Variants in EVC2 observed in about 807,000 individuals in gnomAD.
EVC2 encodes the protein EvC ciliary complex subunit 2, also known as limbin.
A neutral mutation model predicts 149.3 loss-of-function variants in EVC2; 148 were observed. The observed-to-expected ratio is 0.99, with a 90% CI of 0.87 to 1.14. The LOEUF (loss-of-function observed/expected upper bound fraction) is 1.14. EVC2 is among the 50% of genes most tolerant of loss of function. The pLI is 0.00. For synonymous variants in EVC2, 776 were observed against 649.9 expected, an observed-to-expected ratio of 1.19 and a Z score of -2.95; for missense variants, 1,854 against 1,627.3, an observed-to-expected ratio of 1.14 and a Z score of -2.40.
chr4:5,675,514 T>C (rs953939450), intron 7 of EVC2, among the ~76,000 whole-genome samples: 3 of 152,240 alleles, frequency 2.0e-5, no homozygotes, highest in African/African-American at 7.2e-5. Context: ...TGTAGCTTTG[T>C]AATATTTTTA....
chr4:5,545,062 G>A (rs950611654), intron 21 of EVC2, among the ~76,000 whole-genome samples: 9 of 152,234 alleles, frequency 5.9e-5, no homozygotes, highest in South Asian at 4.2e-4. Flanking sequence ...TCTATTCTTC[G>A]TGTAGTTTAC....
chr4:5,695,316 C>G (rs1452925738), intron 2 of EVC2, among the ~76,000 whole-genome samples: 1 of 150,928 alleles, frequency 6.6e-6, no homozygotes, highest in East Asian at 1.9e-4. Flanking sequence ...CCACTGCACT[C>G]CAGTCTGGGC....
intron 16 of EVC2, among the ~76,000 whole-genome samples, chr4:5,604,074 T>A (rs1465285800): frequency 2.0e-5 from 3 of 152,202 alleles, no homozygotes; most frequent in Non-Finnish European, 4.4e-5. Flanking sequence ...AGTATTCTCA[T>A]CTGTGAAATG....
Position 5,631,943 on chromosome 4 carries a change from T to G in EVC2, c.1560A>C (p.Glu520Asp), listed in dbSNP as rs2108851610. The G allele has an allele frequency of 3.7e-6, 6 of 1,614,074 alleles. No homozygotes were observed. The East Asian group carries it at 6.7e-5, about 18-fold the overall frequency. The change falls in exon 11 of 22, where the codon GAA becomes GAC. Residue 520 changes from glutamate to aspartate, a missense_variant. Coordinates refer to ENST00000344408, the MANE Select transcript of EVC2 (RefSeq NM_147127.5). ...LRKSLALQQE[E>D]DFAKAHRQLA... ...GCTGTCTGTGAGCTTTGGCAAAGTC[T>G]TCTTCTTGTTGCAAAGCGAGAGACT...
At chr4:5,656,609 G>A (rs1317140133) in intron 9 of EVC2, among the ~76,000 whole-genome samples, 2 of 152,156 alleles carry the variant, frequency 1.3e-5, no homozygotes, top group Non-Finnish European at 2.9e-5. Context: ...GGGAGGTCAC[G>A]TGCAGGCAGA....
intron 21 of EVC2, among the ~76,000 whole-genome samples, chr4:5,549,470 C>G (rs909657622): frequency 6.6e-6 from 1 of 152,350 alleles, no homozygotes; most frequent in African/African-American, 2.4e-5. Flanking sequence ...TTCTGCCACA[C>G]AGATTTTCTT....
intron 21 of EVC2, among the ~76,000 whole-genome samples, chr4:5,554,061 CG>C (rs1201612558): frequency 6.6e-6 from 1 of 152,086 alleles, no homozygotes; most frequent in Non-Finnish European, 1.5e-5. Context: ...GTGAGAGAAA[CG>C]GAAGACAGAA....
chr4:5,562,352 G>A (rs757529032), downstream of EVC2: 70 of 763,208 alleles, frequency 9.2e-5, no homozygotes, highest in Non-Finnish European at 1.1e-4. The surrounding 1 kb of genome is among the most constrained non-coding windows in gnomAD (Gnocchi z 4.3). Context: ...TCTCTCTATT[G>A]AACACCACAC....
intron 10 of EVC2, among the ~76,000 whole-genome samples, chr4:5,639,695 G>A (rs62297513): frequency 0.061 from 9,304 of 152,328 alleles, 383 homozygotes; most frequent in Middle Eastern, 0.11. Flanking sequence ...AACCTAACAG[G>A]CTATATAGTC....
rs770636406 is a variant in EVC2 at position 5,697,633 on chromosome 4, C to G, written c.243G>C (p.Met81Ile). 4 of 1,613,912 alleles carry G rather than the reference C, an allele frequency of 2.5e-6. No individual in the cohort carries two copies. The African/African-American group carries it at 5.3e-5, about 22-fold the overall frequency. Residue 81 changes from methionine (M) to isoleucine (I), a missense_variant, in exon 2 of 22, where the codon ATG (methionine) becomes ATC (isoleucine). Coordinates refer to ENST00000344408, the MANE Select transcript of EVC2 (RefSeq NM_147127.5). ...GACAGCATTCCACTTTGGGCCAAAT[C>G]ATACAGGGCAAGTCCTAAAAAATTC... ...PESSTQDLPC[M>I]IWPKVECCHF...
chr4:5,660,116 C>G (rs889822480), intron 9 of EVC2, among the ~76,000 whole-genome samples: 11 of 152,174 alleles, frequency 7.2e-5, no homozygotes, highest in Non-Finnish European at 1.3e-4. Flanking sequence ...AATTTGTAAT[C>G]CTTGCCATTC....
At chr4:5,540,738 T>C (rs1240754277), downstream of EVC2, among the ~76,000 whole-genome samples, 2 of 152,206 alleles carry the variant, frequency 1.3e-5, no homozygotes, top group Non-Finnish European at 2.9e-5. Flanking sequence ...GTCTTGATTG[T>C]GGTGATGGTT....
intron 9 of EVC2, among the ~76,000 whole-genome samples, chr4:5,658,989 G>A (rs1297680728): frequency 6.6e-6 from 1 of 152,100 alleles, no homozygotes; most frequent in Admixed American, 6.5e-5. Flanking sequence ...TATAACCACA[G>A]TCAAGGAGCC....
intron 1 of EVC2, 73 bp downstream of exon 1, chr4:5,708,213 C>T (rs1185416970): frequency 4.5e-6 from 6 of 1,319,848 alleles, no homozygotes; most frequent in Non-Finnish European, 6.0e-6. Flanking sequence ...TAAGGGTCCT[C>T]CCTGCCACCG....
intron 6 of EVC2, among the ~76,000 whole-genome samples, chr4:5,683,661 G>C (rs186015737): frequency 6.6e-6 from 1 of 152,096 alleles, no homozygotes; most frequent in African/African-American, 2.4e-5. Context: ...AGTAACAGGC[G>C]GGACTATTTC....
intron 7 of EVC2, among the ~76,000 whole-genome samples, chr4:5,678,823 G>C (rs1052120950): frequency 5.9e-5 from 9 of 152,118 alleles, no homozygotes; most frequent in African/African-American, 1.7e-4. Flanking sequence ...TTGAGGTCAG[G>C]AGTTCAAGAC....
At chr4:5,605,334 C>A (rs550492601) in intron 16 of EVC2, among the ~76,000 whole-genome samples, 2 of 152,176 alleles carry the variant, frequency 1.3e-5, no homozygotes, top group Non-Finnish European at 2.9e-5. Context: ...GGGAACTCTG[C>A]TCTACAAATC....
At position 5,557,029 on chromosome 4, in the gene EVC2, A is replaced by G. The variant is rs375653314; in HGVS notation, c.3419+8229T>C. Among the ~76,000 whole-genome samples, 42 of 152,286 alleles carry G rather than the reference A, an allele frequency of 2.8e-4. No homozygotes were observed. In the South Asian group the frequency reaches 4.3e-3, roughly 16 times the overall value. On this transcript the variant is annotated intron_variant and NMD_transcript_variant, in intron 21 of 22. Transcript: ENST00000475313. ...GAAGAAATAATACCAATTTTCCATA[A>G]TCTCTTCTAGAAAATAAACGCAGAA...
chr4:5,671,606 G>T (rs1161579952), intron 7 of EVC2, among the ~76,000 whole-genome samples: 1 of 152,184 alleles, frequency 6.6e-6, no homozygotes, highest in Non-Finnish European at 1.5e-5. Context: ...CCACCTCCTG[G>T]GTTCAAGCGA....
Sources: gnomAD v4.1 joint callset for allele counts (sites outside exome capture counted in the v4.1 genomes callset) on GRCh38, gnomAD v4.1.1 for gene constraint, Gnocchi (gnomAD v3.1) non-coding constraint, MANE v1.5 for transcripts, NCBI Gene and HGNC (gene_info 2026-07-23, HGNC 2026-07-21) for gene names.